OOSP1: variants seen among roughly 807,000 people sequenced by gnomAD.
OOSP1 encodes the protein putative oocyte-secreted protein 1 homolog.
OOSP1 carries 11 observed loss-of-function variants against 5.7 expected under a neutral mutation model. The ratio of observed to expected loss-of-function variants is 1.94; its 90% CI spans 1.22 to 3.20. The LOEUF (loss-of-function observed/expected upper bound fraction) is 3.20, where lower values mean the gene tolerates loss of function less well. Among genes scored for constraint, OOSP1 ranks in the 30% most tolerant of loss-of-function variants. The pLI, the probability that OOSP1 is intolerant of heterozygous loss-of-function variation, is 0.00. For synonymous variants in OOSP1, 44 were observed against 20.0 expected (o/e 2.20, Z -3.20); for missense variants, 83 against 54.1 (o/e 1.53, Z -1.67).
chr11:59,950,899 T>C (rs1479382115), intron 4 of OOSP1, among the ~76,000 whole-genome samples: 2 of 152,016 alleles, frequency 1.3e-5, no homozygotes, highest in Non-Finnish European at 2.9e-5. Context: ...AGTTTTTTTT[T>C]TATAGATTAC....
intron 1 of OOSP1, among the ~76,000 whole-genome samples, chr11:59,941,816 C>T (rs1237594622): frequency 6.6e-6 from 1 of 152,168 alleles, no homozygotes; most frequent in African/African-American, 2.4e-5. Flanking sequence ...GTGGTTGATA[C>T]ATTTCACATT....
intron 4 of OOSP1, among the ~76,000 whole-genome samples, chr11:59,954,172 A>C (rs927545002): frequency 6.6e-6 from 1 of 152,190 alleles, no homozygotes; most frequent in South Asian, 2.1e-4. Context: ...TGTATAGAGA[A>C]GCTCCATTAT....
chr11:59,952,591 A>G (rs1853951140), intron 4 of OOSP1, among the ~76,000 whole-genome samples: 1 of 152,182 alleles, frequency 6.6e-6, no homozygotes, highest in Non-Finnish European at 1.5e-5. Context: ...CTATTAGTAC[A>G]CAAAGACATG....
intron 4 of OOSP1, among the ~76,000 whole-genome samples, chr11:59,956,524 A>G (rs1006795071): frequency 5.9e-5 from 9 of 152,074 alleles, no homozygotes; most frequent in African/African-American, 1.9e-4. Context: ...ATTTGTTTAC[A>G]TTCCTCTTGT....
chr11:59,940,841 T>C (rs1368008276), intron 1 of OOSP1, among the ~76,000 whole-genome samples: 1 of 152,244 alleles, frequency 6.6e-6, no homozygotes, highest in Admixed American at 6.5e-5. Flanking sequence ...AGGAACGTCT[T>C]ATTTTTAGGT....
chr11:59,950,671 T>C (rs1258703786), intron 4 of OOSP1, among the ~76,000 whole-genome samples: 3 of 152,102 alleles, frequency 2.0e-5, no homozygotes, highest in Admixed American at 2.0e-4. Flanking sequence ...GTGAGGGGCA[T>C]TGATGACTTT....
chr11:59,947,856 A>G (rs994835178), exon 4 of OOSP1: 7 of 398,718 alleles, frequency 1.8e-5, no homozygotes, highest in Non-Finnish European at 3.1e-5. Flanking sequence ...TCTGCAACAC[A>G]ATCTTGGTAA....
intron 4 of OOSP1, 52 bp from the exon 5 acceptor site, chr11:59,957,143 T>C (rs937495481): frequency 1.0e-5 from 4 of 396,632 alleles, no homozygotes; most frequent in African/African-American, 2.1e-5. Flanking sequence ...CTGTAAAAAT[T>C]TAACTGTAAT....
chr11:59,956,264 CA>C (rs1565234859), intron 4 of OOSP1, among the ~76,000 whole-genome samples: 1 of 151,462 alleles, frequency 6.6e-6, no homozygotes, highest in Non-Finnish European at 1.5e-5. Context: ...GGTTGTGAAC[CA>C]AAAGCATGAT....
chr11:59,956,743 T>C (rs1429230625), intron 4 of OOSP1, among the ~76,000 whole-genome samples: 3 of 152,084 alleles, frequency 2.0e-5, no homozygotes, highest in Non-Finnish European at 4.4e-5. Context: ...GTCCACTGTA[T>C]CTTTCTTATG....
At chr11:59,953,553 C>T (rs565279498) in intron 4 of OOSP1, among the ~76,000 whole-genome samples, 12 of 152,140 alleles carry the variant, frequency 7.9e-5, no homozygotes, top group South Asian at 2.1e-4. Flanking sequence ...CTTTCTAATG[C>T]GGAGTCTCTG....
chr11:59,944,331 G>T (rs1433743103), intron 2 of OOSP1, among the ~76,000 whole-genome samples: 1 of 129,066 alleles, frequency 7.7e-6, no homozygotes, highest in African/African-American at 2.9e-5. Context: ...GGTATTAGGG[G>T]GGCACTATCA....
intron 2 of OOSP1, 77 bp from the exon 3 acceptor site, chr11:59,945,092 A>C: frequency 1.5e-6 from 1 of 685,892 alleles, no homozygotes; most frequent in Non-Finnish European, 2.6e-6. Flanking sequence ...GTATCTATAA[A>C]TTCCTATTTA....
intron 1 of OOSP1, among the ~76,000 whole-genome samples, chr11:59,941,075 C>T (rs116740946): frequency 0.019 from 2,925 of 152,240 alleles, 94 homozygotes; most frequent in African/African-American, 0.06. Flanking sequence ...CTTCTGTCTC[C>T]GTTTTCCTTA....
intron 4 of OOSP1, among the ~76,000 whole-genome samples, chr11:59,950,080 T>C (rs1305791383): frequency 1.3e-5 from 2 of 152,132 alleles, no homozygotes; most frequent in Non-Finnish European, 2.9e-5. Flanking sequence ...ATGGATTTCA[T>C]AGGAAGAGTT....
intron 2 of OOSP1, among the ~76,000 whole-genome samples, chr11:59,944,630 C>T (rs563148778): frequency 6.6e-6 from 1 of 152,166 alleles, no homozygotes; most frequent in East Asian, 1.9e-4. Flanking sequence ...CTCCATTCCA[C>T]CCCACCCCCC....
intron 4 of OOSP1, among the ~76,000 whole-genome samples, chr11:59,951,649 T>C (rs922770558): frequency 6.6e-6 from 1 of 151,854 alleles, no homozygotes; most frequent in Non-Finnish European, 1.5e-5. Flanking sequence ...ATTTCAGACA[T>C]TTGCTCAAAG....
intron 4 of OOSP1, among the ~76,000 whole-genome samples, chr11:59,954,375 A>AT (rs888885110): frequency 2.6e-4 from 39 of 148,822 alleles, no homozygotes; most frequent in African/African-American, 6.9e-4. Context: ...ATTCTAATAA[A>AT]TTTTTTTTTT....
intron 4 of OOSP1, among the ~76,000 whole-genome samples, chr11:59,956,536 C>G (rs943037696): frequency 1.3e-5 from 2 of 152,090 alleles, no homozygotes; most frequent in Non-Finnish European, 2.9e-5. Flanking sequence ...TCCTCTTGTT[C>G]TATAACCCCA....
Sources: allele counts gnomAD v4.1 joint callset (sites outside exome capture counted in the v4.1 genomes callset), GRCh38; gene constraint gnomAD v4.1.1; transcripts MANE v1.5; gene names NCBI Gene and HGNC (gene_info 2026-07-23, HGNC 2026-07-21).